The following MYH7B variants were observed in gnomAD, a reference collection of about 807,000 sequenced individuals.
MYH7B encodes myosin heavy chain 7B.
MYH7B carries 205 observed loss-of-function variants against 234.5 expected under a neutral mutation model. The observed-to-expected ratio is 0.87, with a 90% CI of 0.78 to 0.98. MYH7B has a LOEUF of 0.98. MYH7B is among the 50% of genes least tolerant of loss of function. The pLI is 0.00. For synonymous variants in MYH7B, 1,193 were observed against 1,105.0 expected, an observed-to-expected ratio of 1.08 and a Z score of -1.58; for missense variants, 2,652 against 2,633.4, an observed-to-expected ratio of 1.01 and a Z score of -0.15.
chr20:34,982,409 G>A (rs778899064), intron 9 of MYH7B, 50 bp from the exon 10 acceptor site: 1 of 1,539,508 alleles, frequency 6.5e-7, no homozygotes, highest in Non-Finnish European at 9.0e-7. Context: ...TGGGGGTGGG[G>A]GAGAATTAGG....
intron 32 of MYH7B, 79 bp downstream of exon 32, chr20:34,997,719 C>A: frequency 1.3e-6 from 2 of 1,530,136 alleles, no homozygotes; most frequent in Admixed American, 1.8e-5. Context: ...TGTTCCCACA[C>A]CAGCCTCCAC....
chr20:34,987,516 T>C, intron 16 of MYH7B, 41 bp from the exon 17 acceptor site: 1 of 1,516,862 alleles, frequency 6.6e-7, no homozygotes, highest in Non-Finnish European at 9.0e-7. Context: ...TGAGTGCGCA[T>C]GGTGGTGTCC....
chr20:34,993,111 C>T (rs764667869), exon 25 of MYH7B: 5 of 1,613,320 alleles, frequency 3.1e-6, no homozygotes, highest in South Asian at 1.1e-5. Context: ...GGTACCGTAT[C>T]CTGAACCCCA....
In MYH7B at chr20:34,997,409, C is replaced by T. The variant is rs6142267; in HGVS notation, c.3516C>T (p.Arg1172=). 2.0e-6 allele frequency: 3 copies of T among 1,477,938 alleles called. No individual in the cohort carries two copies. The East Asian group carries it at 7.9e-5, about 39-fold the overall frequency. The allele number at this position is 1,477,938 out of a possible 1,614,324, so 91.6% of individuals were successfully genotyped here. A position where few individuals can be genotyped will look rare whatever the true frequency, so the allele number is the denominator to read the frequency against. ...CCGCGGGGCAGCGCGAGGGCTGCCG[C>T]AAGCGGGAGGCGGAGCTGGGGAGGC... The change falls in exon 32 of 45, where the codon CGC becomes CGT. Residue 1172 remains arginine, a synonymous_variant. Transcript: ENST00000262873.
At chr20:34,966,586 C>T (rs1329048797) in intron 2 of MYH7B, among the ~76,000 whole-genome samples, 1 of 151,820 alleles carries the variant, frequency 6.6e-6, no homozygotes, top group Non-Finnish European at 1.5e-5. Flanking sequence ...GTGATGAAGT[C>T]GTATAGAACT....
chr20:34,979,910 CG>C, intron 7 of MYH7B, 106 bp downstream of exon 7: 1 of 1,132,364 alleles, frequency 8.8e-7, no homozygotes, highest in Non-Finnish European at 1.2e-6. Flanking sequence ...GGGCTGTGAG[CG>C]GTGGATCGGG....
At chr20:34,969,559 T>A (rs2081773876) in intron 2 of MYH7B, among the ~76,000 whole-genome samples, 1 of 149,302 alleles carries the variant, frequency 6.7e-6, no homozygotes, top group Non-Finnish European at 1.5e-5. Context: ...TTTTTTTTTT[T>A]TTTGAGATGG....
exon 32 of MYH7B, chr20:34,997,637 C>T: frequency 6.2e-7 from 1 of 1,613,324 alleles, no homozygotes. Flanking sequence ...TGACCCGCGC[C>T]AAGGTGTCCG....
At chr20:34,999,962 G>C in intron 38 of MYH7B, 56 bp downstream of exon 38, 1 of 1,472,518 alleles carries the variant, frequency 6.8e-7, no homozygotes, top group Non-Finnish European at 9.4e-7. Context: ...GAGGGAAGCA[G>C]TGTGTACTCT....
intron 2 of MYH7B, among the ~76,000 whole-genome samples, chr20:34,966,777 T>C (rs933245505): frequency 3.3e-5 from 5 of 152,138 alleles, no homozygotes; most frequent in Admixed American, 3.3e-4. Flanking sequence ...GAAATGAAAT[T>C]TGGCTAGGCA....
chr20:34,994,002 C>T, intron 26 of MYH7B, 144 bp from the exon 27 acceptor site: 2 of 1,106,716 alleles, frequency 1.8e-6, no homozygotes, highest in Non-Finnish European at 2.6e-6. Context: ...TGTGGGCCTC[C>T]CCTCACCCTC....
intron 23 of MYH7B, 57 bp from the exon 24 acceptor site, chr20:34,990,947 C>G (rs2082135240): frequency 1.9e-6 from 3 of 1,571,330 alleles, no homozygotes; most frequent in Non-Finnish European, 1.7e-6. Flanking sequence ...GCTGCTTTTT[C>G]TCTGGGGCCT....
rs141268260 is a variant in MYH7B, at chr20:34,986,948, G to A, written c.967G>A (p.Val323Met). 316 of 1,614,062 alleles carry A rather than the reference G, an allele frequency of 2.0e-4. 1 individual carries two copies. In the African/African-American group the frequency reaches 3.7e-3, roughly 19 times the overall value. Reference sequence around the variant, plus strand: ...CTTCTGCAGCCAGGGCGTCATCACCGTGGACAACATGAATGATGGGGAGGA... The same window carrying A: ...CTTCTGCAGCCAGGGCGTCATCACCATGGACAACATGAATGATGGGGAGGA... Residue 323 changes from valine to methionine, a missense_variant, in exon 15 of 45, where the codon GTG (valine) becomes ATG (methionine). By Grantham distance (21) the Val-to-Met change is conservative. This residue lies in a region of MYH7B where 2,279 missense variants were observed against 2,211.4 expected (regional missense o/e 1.03). Transcript: ENST00000262873.
chr20:34,982,617 CCTCT>C (rs934596055), intron 10 of MYH7B, 62 bp downstream of exon 10: 35 of 1,357,140 alleles, frequency 2.6e-5, no homozygotes, highest in Middle Eastern at 1.9e-4. Flanking sequence ...TTTCTTTCTT[CCTCT>C]CTTTTTTTTT....
chr20:35,001,127 GGAA>G lies in MYH7B; in HGVS notation c.5449_5451del (p.Lys1817del), dbSNP rs748415537. On this transcript the variant is annotated inframe_deletion, in exon 41 of 45. Transcript: ENST00000262873. ...GCAGAACAGGCCGCCCTCCGTGGCG[GGAA>G]GAAGCAGGTGCAGAAGCTGGAGGCC... 3.1e-6 allele frequency: 5 copies of G among 1,613,822 alleles called. No homozygotes were observed. Among genetic ancestry groups the G allele is most frequent in the Non-Finnish European group, 4.2e-6 (5 of 1,179,940 alleles).
intron 2 of MYH7B, among the ~76,000 whole-genome samples, chr20:34,966,192 G>A (rs543929889): frequency 6.6e-6 from 1 of 152,310 alleles, no homozygotes; most frequent in Admixed American, 6.5e-5. Context: ...CAGCCACCAG[G>A]GCCCTGTGAT....
At chr20:34,999,396 A>C (rs749740465) in exon 36 of MYH7B, 4 of 1,517,928 alleles carry the variant, frequency 2.6e-6, no homozygotes, top group Non-Finnish European at 3.5e-6. Flanking sequence ...GGAGAACAAG[A>C]ACCTGCAGGG....
chr20:34,996,368 T>C (rs763207473), exon 29 of MYH7B: 13 of 1,601,460 alleles, frequency 8.1e-6, no homozygotes, highest in South Asian at 3.4e-5. Flanking sequence ...ACGGAAGAGA[T>C]GGCTGCGCTG....
In MYH7B at chr20:34,982,564, T is replaced by G; in HGVS notation, c.624+9T>G. Reference sequence around the variant, plus strand: ...GGCCGGGCAAGAAGGCCGTAAGACTTGCCCACTCGGGCATGCTCCCCGTTG... The same window carrying G: ...GGCCGGGCAAGAAGGCCGTAAGACTGGCCCACTCGGGCATGCTCCCCGTTG... On this transcript the variant is annotated intron_variant, in intron 10 of 44. Coordinates refer to ENST00000262873, the Ensembl canonical transcript of MYH7B. 1.3e-6 allele frequency: 2 copies of G among 1,581,708 alleles called. No homozygotes were observed. The highest frequency in any genetic ancestry group is 1.7e-6 in the Non-Finnish European group (2 of 1,159,810).
Sources: allele counts gnomAD v4.1 joint callset (sites outside exome capture counted in the v4.1 genomes callset), GRCh38; gene constraint gnomAD v4.1.1; regional missense constraint gnomAD v4.1.1; transcripts MANE v1.5; gene names NCBI Gene and HGNC (gene_info 2026-07-23, HGNC 2026-07-21).